Variants in FMO3 observed in about 807,000 individuals in gnomAD.
FMO3 encodes the protein flavin containing dimethylaniline monoxygenase 3.
In FMO3, 40 loss-of-function variants were observed where a neutral mutation model predicts 39.4. The ratio of observed to expected loss-of-function variants is 1.02; its 90% confidence interval spans 0.79 to 1.32. FMO3 has a LOEUF of 1.32. Ranked by LOEUF, FMO3 falls within the 40% of genes most tolerant of loss-of-function variation. FMO3 has a pLI of 0.00. For synonymous variants in FMO3, 219 were observed against 228.8 expected, an observed-to-expected ratio of 0.96 and a Z score of 0.39; for missense variants, 680 against 651.8, an observed-to-expected ratio of 1.04 and a Z score of -0.47.
intron 3 of FMO3, among the ~76,000 whole-genome samples, chr1:171,105,442 T>C (rs1250613578): frequency 2.0e-5 from 3 of 152,190 alleles, no homozygotes; most frequent in Non-Finnish European, 2.9e-5. Context: ...TTTCTAGTCC[T>C]AGATCCCTGA....
intron 8 of FMO3, 76 bp from the exon 9 acceptor site, chr1:171,117,024 T>C: frequency 9.1e-7 from 1 of 1,095,212 alleles, no homozygotes; most frequent in South Asian, 1.3e-5. Context: ...TGATATAAAG[T>C]TGCGAGCCAT....
At chr1:171,099,957 G>A (rs1330233488) in intron 2 of FMO3, 1 of 151,702 alleles carries the variant, frequency 6.6e-6, no homozygotes, top group African/African-American at 2.4e-5. Flanking sequence ...GCTAATTTTT[G>A]TATTTTTAGT....
Position 171,092,756 on chromosome 1 carries a change from A to G in FMO3, c.98A>G (p.Lys33Arg). 1.2e-6 allele frequency: 2 copies of G among 1,614,104 alleles called. No homozygotes were observed. Among genetic ancestry groups the G allele is most frequent in the Non-Finnish European group, 1.7e-6 (2 of 1,180,018 alleles). ...EEGLEPTCFE[K>R]SNDIGGLWKF... ...GGGCTGGAGCCCACCTGCTTTGAGA[A>G]GAGCAATGACATTGGGGGCCTGTGG... Residue 33 changes from lysine to arginine, a missense_variant, in exon 2 of 9, where the codon AAG (lysine) becomes AGG (arginine). Lys to Arg is a conservative substitution (Grantham distance 26, BLOSUM62 2). Transcript: ENST00000367755.
At chr1:171,096,173 TA>T (rs1655027493) in intron 2 of FMO3, among the ~76,000 whole-genome samples, 1 of 71,732 alleles carries the variant, frequency 1.4e-5, no homozygotes, top group Admixed American at 2.7e-4. Context: ...TATATAATTA[TA>T]TATAATATAT....
At chr1:171,108,508 G>C (rs566194627) in intron 5 of FMO3, among the ~76,000 whole-genome samples, 2 of 152,264 alleles carry the variant, frequency 1.3e-5, no homozygotes, top group South Asian at 4.1e-4. Flanking sequence ...CACAGATTTA[G>C]GGTGAAGGTT....
At chr1:171,104,913 T>C (rs1217120689) in intron 3 of FMO3, among the ~76,000 whole-genome samples, 1 of 151,426 alleles carries the variant, frequency 6.6e-6, no homozygotes, top group Non-Finnish European at 1.5e-5. Context: ...AAGCTGGCAG[T>C]GTAAGGAAAA....
chr1:171,110,357 T>C (rs1220788840), intron 5 of FMO3, among the ~76,000 whole-genome samples: 1 of 152,084 alleles, frequency 6.6e-6, no homozygotes, highest in Non-Finnish European at 1.5e-5. Context: ...GTAGCAGAGA[T>C]TGATTAAAAT....
intron 2 of FMO3, among the ~76,000 whole-genome samples, chr1:171,095,864 A>ATT (rs1654942282): frequency 8.5e-6 from 1 of 117,576 alleles, no homozygotes; most frequent in Non-Finnish European, 1.7e-5. Flanking sequence ...ATATAATATA[A>ATT]ATATATATAA....
intron 1 of FMO3, among the ~76,000 whole-genome samples, chr1:171,091,908 T>C (rs1436503589): frequency 6.6e-6 from 1 of 152,028 alleles, no homozygotes; most frequent in Admixed American, 6.5e-5. Flanking sequence ...TGTGTGTGTG[T>C]GTGTATGACT....
At chr1:171,104,919 GA>G (rs1655572471) in intron 3 of FMO3, among the ~76,000 whole-genome samples, 1 of 151,814 alleles carries the variant, frequency 6.6e-6, no homozygotes, top group Non-Finnish European at 1.5e-5. Flanking sequence ...GCAGTGTAAG[GA>G]AAAAATAATC....
Position 171,114,149 on chromosome 1 carries a change from T to C in FMO3, c.970T>C (p.Cys324Arg). The C allele has an allele frequency of 6.2e-7, 1 of 1,614,080 alleles. No individual in the cohort carries two copies. Among genetic ancestry groups the C allele is most frequent in the Non-Finnish European group, 8.5e-7 (1 of 1,179,972 alleles). ...EDGTIFEGID[C>R]VIFATGYSFA... ...TGGGACCATATTTGAGGGCATTGAC[T>C]GTGTAATCTTTGCAACAGGGTATAG... Residue 324 changes from cysteine to arginine, a missense_variant, in exon 7 of 9, where the codon TGT becomes CGT. Transcript: ENST00000367755.
At chr1:171,093,443 G>T (rs1402056578) in intron 2 of FMO3, among the ~76,000 whole-genome samples, 1 of 151,516 alleles carries the variant, frequency 6.6e-6, no homozygotes, top group African/African-American at 2.4e-5. Flanking sequence ...CCATGTTGCT[G>T]CAGAAGACAT....
chr1:171,115,694 G>A (rs1656116597), intron 7 of FMO3, among the ~76,000 whole-genome samples: 2 of 152,188 alleles, frequency 1.3e-5, no homozygotes, highest in African/African-American at 4.8e-5. Context: ...GCAGCCCCAA[G>A]TCAGATCTAG....
intron 2 of FMO3, among the ~76,000 whole-genome samples, chr1:171,098,014 G>A (rs570513227): frequency 1.5e-3 from 234 of 152,266 alleles, no homozygotes; most frequent in African/African-American, 5.1e-3. Flanking sequence ...CATATGGCTA[G>A]CCAGTTTTCC....
intron 7 of FMO3, among the ~76,000 whole-genome samples, chr1:171,114,696 C>T (rs1336851775): frequency 1.3e-5 from 2 of 152,126 alleles, no homozygotes; most frequent in African/African-American, 4.8e-5. Context: ...ATTATGATTG[C>T]AAAACTCAGT....
At chr1:171,096,433 TTAC>T (rs1409164954) in intron 2 of FMO3, among the ~76,000 whole-genome samples, 2 of 104,062 alleles carry the variant, frequency 1.9e-5, no homozygotes, top group Non-Finnish European at 3.4e-5. Context: ...ATAATATATA[TTAC>T]ATATTTTATA....
chr1:171,101,713 T>C (rs778975435), intron 2 of FMO3: 1 of 514,538 alleles, frequency 1.9e-6, no homozygotes, highest in East Asian at 5.5e-5. Context: ...TCCCTCACCT[T>C]CTTTGGTCAC....
chr1:171,104,659 A>G (rs544033116), intron 3 of FMO3, among the ~76,000 whole-genome samples: 3 of 152,286 alleles, frequency 2.0e-5, no homozygotes, highest in Non-Finnish European at 2.9e-5. Context: ...AGATTGCTTG[A>G]GTCCAGGAGT....
rs759167221 is a variant in FMO3, at chr1:171,117,078, G to T, written c.1257-22G>T. 3.2e-6 allele frequency: 5 copies of T among 1,572,988 alleles called. No homozygotes were observed. In the East Asian group the frequency reaches 9.0e-5, roughly 28 times the overall value. ...ACACAGAGTTTGGGTATCCACAGTG[G>T]TGTTTTCTCTCCCATCTCCAGGTTT... On this transcript the variant is annotated intron_variant, in intron 8 of 8. Coordinates refer to ENST00000367755, the MANE Select transcript of FMO3 (RefSeq NM_001002294.3).
Sources: allele counts gnomAD v4.1 joint callset (sites outside exome capture counted in the v4.1 genomes callset), GRCh38; gene constraint gnomAD v4.1.1; transcripts MANE v1.5; gene names NCBI Gene and HGNC (gene_info 2026-07-23, HGNC 2026-07-21).